The following NUP210L variants were observed in gnomAD, a reference collection of about 807,000 sequenced individuals.
The protein encoded by NUP210L is nuclear pore membrane glycoprotein 210-like.
Under a neutral mutation model 208.5 loss-of-function variants are expected in NUP210L, and 74 were observed. The ratio of observed to expected loss-of-function variants is 0.35; its 90% CI spans 0.29 to 0.43. The LOEUF (loss-of-function observed/expected upper bound fraction) is 0.43, where lower values mean the gene tolerates loss of function less well. NUP210L is among the 20% of genes least tolerant of loss of function. The pLI is 1.00. For missense variants in NUP210L, 1,843 were observed against 2,289.4 expected (o/e 0.81, Z 3.98); for synonymous variants, 780 against 816.9 (o/e 0.95, Z 0.77).
chr1:153,996,112 G>A (rs370651470), intron 37 of NUP210L, among the ~76,000 whole-genome samples: 157 of 152,166 alleles, frequency 1.0e-3, no homozygotes, highest in South Asian at 5.4e-3. Context: ...CTAACATGGT[G>A]AAACCCCGTC....
At chr1:154,060,856 A>G (rs1654099488) in intron 19 of NUP210L, 86 bp downstream of exon 19, 7 of 762,330 alleles carry the variant, frequency 9.2e-6, no homozygotes, top group Non-Finnish European at 1.5e-5. Context: ...TCAACACATA[A>G]GTAAGTTTTT....
At chr1:154,154,038 G>T (rs922164901) in intron 1 of NUP210L, among the ~76,000 whole-genome samples, 2 of 152,034 alleles carry the variant, frequency 1.3e-5, no homozygotes, top group Non-Finnish European at 2.9e-5. Flanking sequence ...CCCATCATTG[G>T]GTCCTCTCAC....
intron 35 of NUP210L, among the ~76,000 whole-genome samples, chr1:154,002,612 AGACTCC>A (rs1034136714): frequency 1.3e-5 from 2 of 151,944 alleles, no homozygotes; most frequent in African/African-American, 4.8e-5. Context: ...GGACAGAGCA[AGACTCC>A]GTCTCAAAAA....
At chr1:154,077,352 C>T (rs1374175070) in intron 16 of NUP210L, among the ~76,000 whole-genome samples, 2 of 151,428 alleles carry the variant, frequency 1.3e-5, no homozygotes, top group South Asian at 2.1e-4. Flanking sequence ...GGTGACACAG[C>T]GATACTCTGT....
intron 36 of NUP210L, 122 bp downstream of exon 36, chr1:154,001,613 C>T: frequency 9.1e-7 from 1 of 1,093,080 alleles, no homozygotes; most frequent in Non-Finnish European, 1.3e-6. Flanking sequence ...TTGATTTTGT[C>T]ATTTCCTATG....
At chr1:153,994,784 C>T (rs940067384) in intron 38 of NUP210L, among the ~76,000 whole-genome samples, 5 of 150,920 alleles carry the variant, frequency 3.3e-5, no homozygotes, top group Admixed American at 6.6e-5. Flanking sequence ...GAGGCCGAGG[C>T]GGGTGGATCA....
intron 14 of NUP210L, among the ~76,000 whole-genome samples, chr1:154,099,173 G>C (rs1656329396): frequency 6.6e-6 from 1 of 152,264 alleles, no homozygotes; most frequent in East Asian, 1.9e-4. Flanking sequence ...TGGGTCCACA[G>C]CTGCCATTTG....
At chr1:154,153,693 G>A (rs1193028950) in intron 1 of NUP210L, among the ~76,000 whole-genome samples, 1 of 152,118 alleles carries the variant, frequency 6.6e-6, no homozygotes, top group African/African-American at 2.4e-5. Flanking sequence ...TAATCCTCCT[G>A]CCTTGGCCTC....
At chr1:154,102,306 C>T (rs1656512300) in intron 13 of NUP210L, among the ~76,000 whole-genome samples, 1 of 152,164 alleles carries the variant, frequency 6.6e-6, no homozygotes, top group East Asian at 1.9e-4. Flanking sequence ...GATTTTGGCT[C>T]CATTCCACTG....
intron 16 of NUP210L, among the ~76,000 whole-genome samples, chr1:154,078,424 G>C (rs889266828): frequency 6.6e-6 from 1 of 151,870 alleles, no homozygotes; most frequent in Non-Finnish European, 1.5e-5. Context: ...GTGAAACCCT[G>C]TCTCTACTAA....
intron 17 of NUP210L, among the ~76,000 whole-genome samples, chr1:154,062,229 C>T (rs772139558): frequency 7.2e-5 from 11 of 152,028 alleles, no homozygotes; most frequent in Non-Finnish European, 1.2e-4. Context: ...CTGGGCCAGG[C>T]GAAATCTAAA....
chr1:154,061,350 C>T (rs1654126949), intron 18 of NUP210L, among the ~76,000 whole-genome samples: 1 of 151,822 alleles, frequency 6.6e-6, no homozygotes, highest in Non-Finnish European at 1.5e-5. Flanking sequence ...TGCACTCCAT[C>T]CTGGGTGACA....
intron 23 of NUP210L, 120 bp downstream of exon 23, chr1:154,056,695 G>A (rs1312215400): frequency 3.1e-6 from 3 of 979,946 alleles, no homozygotes; most frequent in Non-Finnish European, 4.4e-6. Flanking sequence ...TGCTCACATG[G>A]TGGTGTGAGC....
At chr1:154,001,126 A>G (rs191334610) in intron 36 of NUP210L, 66 bp from the exon 37 acceptor site, 4 of 1,238,856 alleles carry the variant, frequency 3.2e-6, no homozygotes, top group Non-Finnish European at 4.7e-6. Context: ...GTATGTTCCA[A>G]TCTGAAACAT....
At chr1:154,020,892 C>T (rs1468688488) in intron 32 of NUP210L, among the ~76,000 whole-genome samples, 18 of 151,958 alleles carry the variant, frequency 1.2e-4, no homozygotes, top group African/African-American at 4.3e-4. Context: ...GAACTCCTGA[C>T]TTCAGGTGGT....
chr1:154,027,080 C>CTAAAAAAA (rs1651924269), intron 29 of NUP210L, among the ~76,000 whole-genome samples: 1 of 101,754 alleles, frequency 9.8e-6, no homozygotes, highest in Non-Finnish European at 1.9e-5. Context: ...GAGACTGTCT[C>CTAAAAAAA]AAAAAAAAAA....
chr1:153,993,233 A>G, intron 38 of NUP210L, 144 bp from the exon 39 acceptor site: 1 of 593,352 alleles, frequency 1.7e-6, no homozygotes, highest in Non-Finnish European at 2.9e-6. Context: ...TTTTTATCCC[A>G]ATTTAACCCA....
intron 7 of NUP210L, among the ~76,000 whole-genome samples, chr1:154,135,453 G>A (rs952423194): frequency 1.3e-5 from 2 of 149,342 alleles, no homozygotes; most frequent in African/African-American, 2.5e-5. Flanking sequence ...ACGGAGTCTC[G>A]CTGTGCCGCC....
At chr1:154,091,966 C>T (rs2148049149) in intron 15 of NUP210L, among the ~76,000 whole-genome samples, 1 of 151,874 alleles carries the variant, frequency 6.6e-6, no homozygotes, top group Admixed American at 6.6e-5. Context: ...AAGAAAAATA[C>T]TACATGATTC....
Sources: allele counts gnomAD v4.1 joint callset (sites outside exome capture counted in the v4.1 genomes callset), GRCh38; gene constraint gnomAD v4.1.1; transcripts MANE v1.5; gene names NCBI Gene and HGNC (gene_info 2026-07-23, HGNC 2026-07-21).